Variants in PRRG1 observed in about 807,000 individuals in gnomAD.
The protein encoded by PRRG1 is proline rich and Gla domain 1.
A neutral mutation model predicts 11.8 loss-of-function variants in PRRG1; 5 were observed. That is an observed-to-expected ratio of 0.42 (90% confidence interval 0.22 to 0.89). PRRG1 has a LOEUF of 0.89. PRRG1 is among the 40% of genes least tolerant of loss of function. The probability of loss-of-function intolerance (pLI) is 0.28; values close to 1 mark genes in which losing one functional copy is unlikely to be tolerated. For synonymous variants in PRRG1, 66 were observed against 60.4 expected (o/e 1.09, Z -0.43); for missense variants, 155 against 166.1 (o/e 0.93, Z 0.37).
chrX:37,409,038 A>T (rs1412578369), intron 2 of PRRG1, among the ~76,000 whole-genome samples: 2 of 111,593 alleles, frequency 1.8e-5, no homozygotes, highest in Non-Finnish European at 3.8e-5. Flanking sequence ...TCTGTTGCAT[A>T]ATCAAAAATC....
At chrX:37,392,632 A>G (rs1489737010) in intron 1 of PRRG1, among the ~76,000 whole-genome samples, 3 of 100,653 alleles carry the variant, frequency 3.0e-5, no homozygotes, top group Non-Finnish European at 6.0e-5. Context: ...CACCCCAGCC[A>G]GGGTGACAGA....
intron 1 of PRRG1, among the ~76,000 whole-genome samples, chrX:37,389,782 T>G (rs1352703903): frequency 1.8e-5 from 2 of 111,567 alleles, no homozygotes; most frequent in Non-Finnish European, 3.8e-5. Flanking sequence ...TATCACATAT[T>G]ATCAATTTAA....
At chrX:37,368,454 T>A (rs1930649823) in intron 1 of PRRG1, among the ~76,000 whole-genome samples, 1 of 112,126 alleles carries the variant, frequency 8.9e-6, no homozygotes, top group South Asian at 3.7e-4. Context: ...ATACATTTGT[T>A]TTTTATATTT....
At chrX:37,405,505 G>A (rs1294626693) in intron 1 of PRRG1, among the ~76,000 whole-genome samples, 1 of 110,727 alleles carries the variant, frequency 9.0e-6, no homozygotes, top group Non-Finnish European at 1.9e-5. Flanking sequence ...GTGAGAAAAT[G>A]AAGCATTATG....
intron 1 of PRRG1, among the ~76,000 whole-genome samples, chrX:37,391,262 A>G (rs1931521464): frequency 9.0e-6 from 1 of 111,470 alleles, no homozygotes; most frequent in African/African-American, 3.3e-5. Flanking sequence ...GAGTACCTTA[A>G]AAGACAGAAA....
intron 2 of PRRG1, among the ~76,000 whole-genome samples, chrX:37,420,517 G>C (rs1932623222): frequency 1.8e-5 from 2 of 109,224 alleles, no homozygotes; most frequent in Admixed American, 9.8e-5. Context: ...ACTGTTTCTG[G>C]TGTATAGTCT....
intron 1 of PRRG1, among the ~76,000 whole-genome samples, chrX:37,379,019 G>A (rs1931069633): frequency 1.0e-5 from 1 of 95,733 alleles, no homozygotes; most frequent in Non-Finnish European, 2.1e-5. Flanking sequence ...ATTGAATTGC[G>A]ACATCTTTTT....
intron 1 of PRRG1, among the ~76,000 whole-genome samples, chrX:37,369,886 G>T (rs1325596103): frequency 9.0e-6 from 1 of 110,681 alleles, no homozygotes; most frequent in Admixed American, 9.6e-5. Context: ...TCCCTTTACT[G>T]CCCCTTTGCT....
chrX:37,394,643 T>A (rs1321001502), intron 1 of PRRG1, among the ~76,000 whole-genome samples: 1 of 111,391 alleles, frequency 9.0e-6, no homozygotes, highest in Admixed American at 9.5e-5. Flanking sequence ...CTAGATATAA[T>A]TGAATCGCAG....
intron 2 of PRRG1, among the ~76,000 whole-genome samples, chrX:37,414,941 A>C (rs1932448006): frequency 8.9e-6 from 1 of 112,307 alleles, no homozygotes; most frequent in South Asian, 3.7e-4. Context: ...CCTATGTATT[A>C]GGTTGAACCA....
At chrX:37,383,252 A>G (rs1931212548) in intron 1 of PRRG1, among the ~76,000 whole-genome samples, 1 of 112,176 alleles carries the variant, frequency 8.9e-6, no homozygotes, top group Non-Finnish European at 1.9e-5. Flanking sequence ...AGCTTTAACA[A>G]TTTAATTTTT....
chrX:37,402,983 G>T (rs1332727065), intron 1 of PRRG1, among the ~76,000 whole-genome samples: 1 of 110,907 alleles, frequency 9.0e-6, no homozygotes, highest in Non-Finnish European at 1.9e-5. Flanking sequence ...GGAAACAACG[G>T]GTGCTGGAGA....
chrX:37,366,080 C>T (rs1930562965), intron 1 of PRRG1, among the ~76,000 whole-genome samples: 1 of 112,401 alleles, frequency 8.9e-6, no homozygotes, highest in African/African-American at 3.2e-5. Context: ...ACTTCTGGTT[C>T]ACCAAAAATC....
intron 3 of PRRG1, among the ~76,000 whole-genome samples, chrX:37,448,831 A>T (rs1020037702): frequency 3.6e-5 from 4 of 111,426 alleles, no homozygotes; most frequent in African/African-American, 1.3e-4. Context: ...GAGTCTCCCT[A>T]TGTTTCCCAG....
At position 37,413,093 on chromosome X, in the gene PRRG1, C is replaced by A. The variant is rs1019059515; in HGVS notation, c.10+6834C>A. On this transcript the variant is annotated intron_variant, in intron 2 of 3. Coordinates refer to ENST00000378628, the MANE Select transcript of PRRG1 (RefSeq NM_001142395.2). ...CTTAATCCCTTCCCATTATCAACAT[C>A]CCTTACCAGAGAGGTACATTTGTTA... is the stretch of plus-strand genomic sequence containing the variant. Among the ~76,000 whole-genome samples the A allele has an allele frequency of 3.6e-5, 4 of 111,325 alleles. No individual in the cohort carries two copies. In the East Asian group the frequency reaches 1.1e-3, roughly 31 times the overall value.
At chrX:37,411,099 A>G (rs781841399) in intron 2 of PRRG1, among the ~76,000 whole-genome samples, 28 of 112,039 alleles carry the variant, frequency 2.5e-4, no homozygotes, top group Non-Finnish European at 4.9e-4. Flanking sequence ...CCAACCATGG[A>G]TCGAAGTTAT....
chrX:37,428,112 C>A (rs1932792515), intron 3 of PRRG1, among the ~76,000 whole-genome samples: 1 of 111,398 alleles, frequency 9.0e-6, no homozygotes, highest in South Asian at 3.9e-4. Context: ...TCTACCACAA[C>A]ATGTGGGAAT....
At chrX:37,446,976 C>T (rs1479765311) in intron 3 of PRRG1, among the ~76,000 whole-genome samples, 2 of 111,445 alleles carry the variant, frequency 1.8e-5, no homozygotes, top group African/African-American at 6.5e-5. Context: ...ACTCAAACAC[C>T]TCCCACTACA....
At chrX:37,431,141 C>A (rs782254585) in intron 3 of PRRG1, among the ~76,000 whole-genome samples, 16 of 111,970 alleles carry the variant, frequency 1.4e-4, no homozygotes, top group Non-Finnish European at 1.9e-4. Context: ...GTTTGTTGAA[C>A]CATTTGCTTA....
Sources: gnomAD v4.1 joint callset for allele counts (sites outside exome capture counted in the v4.1 genomes callset) on GRCh38, gnomAD v4.1.1 for gene constraint, MANE v1.5 for transcripts, NCBI Gene and HGNC (gene_info 2026-07-23, HGNC 2026-07-21) for gene names.